The following CARD6 variants were observed in gnomAD, a reference collection of about 807,000 sequenced individuals.
The protein encoded by CARD6 is caspase recruitment domain family member 6.
A neutral mutation model predicts 23.6 loss-of-function variants in CARD6; 27 were observed. The ratio of observed to expected loss-of-function variants is 1.14; its 90% CI spans 0.84 to 1.58. The LOEUF (loss-of-function observed/expected upper bound fraction) is 1.58. CARD6 is among the 40% of genes most tolerant of loss of function. CARD6 has a pLI of 0.00. For synonymous variants in CARD6, 397 were observed against 431.8 expected (o/e 0.92, Z 1.00); for missense variants, 1,214 against 1,209.9 (o/e 1.00, Z -0.05).
rs1476780333 is a variant in CARD6, at chr5:40,850,157, G to A, written c.842-2017G>A. ...CGGCCAGGTGCGGTGGCTAACGCCT[G>A]TAATCCCAGGACTTTGGGAGGCCGA... On this transcript the variant is annotated intron_variant, in intron 2 of 2. Transcript: ENST00000254691. 2.0e-5 allele frequency among the ~76,000 whole-genome samples: 3 copies of A among 151,910 alleles called. No homozygotes were observed. In the East Asian group the frequency reaches 5.9e-4, roughly 30 times the overall value.
Position 40,854,021 on chromosome 5 carries a change from C to T in CARD6, c.2689C>T (p.Gln897Ter). ...ATCCCATATTGGAAAGCCTCACCCT[C>T]AGTCCTTTCAACCAGCAGCAGCCAC... ...RTSHIGKPHP[Q>*]SFQPAAATQK... The change falls in exon 3 of 3, where the codon CAG becomes TAG. Residue 897 changes from glutamine to a stop codon, truncating the protein, a stop_gained. Coordinates refer to ENST00000254691, the MANE Select transcript of CARD6 (RefSeq NM_032587.4). LOFTEE classifies it low-confidence loss of function (END_TRUNC). The T allele has an allele frequency of 6.2e-7, 1 of 1,614,226 alleles. No homozygotes were observed. Among genetic ancestry groups the T allele is most frequent in the African/African-American group, 1.3e-5 (1 of 75,042 alleles).
intron 2 of CARD6, among the ~76,000 whole-genome samples, chr5:40,850,384 A>G (rs1199723682): frequency 7.9e-6 from 1 of 125,790 alleles, no homozygotes; most frequent in African/African-American, 3.1e-5. Flanking sequence ...ACTGCACTCC[A>G]GCCTGGGTGA....
chr5:40,852,803 T>G lies in CARD6; in HGVS notation c.1471T>G (p.Leu491Val), dbSNP rs753393873. 2 of 1,614,204 alleles carry G rather than the reference T, an allele frequency of 1.2e-6. No homozygotes were observed. Residue 491 changes from leucine to valine, a missense_variant, in exon 3 of 3, where the codon TTG becomes GTG. Physicochemically the swap from Leu to Val is conservative, Grantham distance 32 (BLOSUM62 1). Coordinates refer to ENST00000254691, the MANE Select transcript of CARD6 (RefSeq NM_032587.4). Reference sequence around the variant, plus strand: ...ACACAAAATCTTTCTTCATCAAGATTTGCCTCTTTTGGTGCTTCCCCGGCA... The same window carrying G: ...ACACAAAATCTTTCTTCATCAAGATGTGCCTCTTTTGGTGCTTCCCCGGCA... ...KLHKIFLHQD[L>V]PLLVLPRQIS...
chr5:40,843,540 A>G lies in CARD6; in HGVS notation c.672A>G (p.Ala224=). 6.2e-7 allele frequency: 1 copy of G among 1,608,472 alleles called. No homozygotes were observed. The highest frequency in any genetic ancestry group is 1.7e-5 in the Admixed American group (1 of 58,446). Residue 224 remains alanine, a synonymous_variant, in exon 2 of 3, where the codon GCA becomes GCG. Transcript: ENST00000254691. Reference sequence around the variant, plus strand: ...GATCTGTTGACACCCCTGAAGATGCAGAAGCCACTGTGGAAGAGGAGGTTT... The same window carrying G: ...GATCTGTTGACACCCCTGAAGATGCGGAAGCCACTGTGGAAGAGGAGGTTT... ...YLGSVDTPED[A]EATVEEEVYD...
chr5:40,845,487 T>C (rs1370153171), intron 2 of CARD6, among the ~76,000 whole-genome samples: 1 of 152,170 alleles, frequency 6.6e-6, no homozygotes, highest in Non-Finnish European at 1.5e-5. Flanking sequence ...ATTCAACCCA[T>C]GCCTCTTGCC....
In CARD6 at chr5:40,843,256, A is replaced by T. The variant is rs369091393; in HGVS notation, c.388A>T (p.Ile130Phe). The T allele has an allele frequency of 2.5e-6, 4 of 1,614,006 alleles. No homozygotes were observed. Among genetic ancestry groups the T allele is most frequent in the Non-Finnish European group, 8.5e-7 (1 of 1,179,986 alleles). Residue 130 changes from isoleucine (I) to phenylalanine (F), a missense_variant, in exon 2 of 3, where the codon ATC (isoleucine) becomes TTC (phenylalanine). Physicochemically the swap from Ile to Phe is conservative, Grantham distance 21 (BLOSUM62 0). Coordinates refer to ENST00000254691, the MANE Select transcript of CARD6 (RefSeq NM_032587.4). ...AATAAAACAGCCTGAAGCCCCTGAG[A>T]TCACAGTGTTCTTCAGTGAGAAGGA... ...PGIKQPEAPE[I>F]TVFFSEKEHL...
At chr5:40,849,822 A>G (rs1296616906) in intron 2 of CARD6, among the ~76,000 whole-genome samples, 2 of 151,996 alleles carry the variant, frequency 1.3e-5, no homozygotes, top group African/African-American at 2.4e-5. Flanking sequence ...AAAATGAAGA[A>G]ATGAAAAGTT....
intron 1 of CARD6, 141 bp downstream of exon 1, chr5:40,841,806 G>A: frequency 1.0e-5 from 7 of 691,340 alleles, no homozygotes; most frequent in Admixed American, 3.5e-5. Context: ...TATGAAATAG[G>A]GAAAAACTGG....
rs768573383 is a variant in CARD6, at chr5:40,853,686, T to C, written c.2354T>C (p.Ile785Thr). The change falls in exon 3 of 3, where the codon ATT (isoleucine) becomes ACT (threonine). Residue 785 changes from isoleucine to threonine, a missense_variant. Ile to Thr is a moderately conservative substitution (Grantham distance 89). Coordinates refer to ENST00000254691, the MANE Select transcript of CARD6 (RefSeq NM_032587.4). ...GAQGRGKSFG[I>T]QSFHPQIFYS... is the part of the protein sequence containing the mutation. ...CAGGGCCGAGGTAAAAGTTTTGGTA[T>C]TCAATCCTTCCATCCCCAGATATTT... is the stretch of plus-strand genomic sequence containing the variant. 6.2e-7 allele frequency: 1 copy of C among 1,614,232 alleles called. No individual in the cohort carries two copies. The highest frequency in any genetic ancestry group is 1.1e-5 in the South Asian group (1 of 91,090).
rs767550176 is a variant in CARD6, at chr5:40,841,599, C to T, written c.217C>T (p.Gln73Ter). Residue 73 changes from glutamine (Q) to a stop codon, truncating the protein, a stop_gained, in exon 1 of 3, where the codon CAG becomes TAG. Transcript: ENST00000254691. LOFTEE classifies it high-confidence loss of function. ...LVQKKGEATC[Q>*]HFLKCLFSTF... is the part of the protein sequence containing the mutation. ...ACAGAAAAAGGGAGAGGCGACCTGT[C>T]AGCATTTTCTCAAGTGTTTATTTAG... The T allele has an allele frequency of 3.1e-5, 50 of 1,613,950 alleles. No homozygotes were observed. The highest frequency in any genetic ancestry group is 4.2e-5 in the Non-Finnish European group (50 of 1,180,006).
intron 1 of CARD6, among the ~76,000 whole-genome samples, chr5:40,842,721 G>A (rs568863646): frequency 2.0e-5 from 3 of 152,236 alleles, no homozygotes; most frequent in East Asian, 3.9e-4. Flanking sequence ...TATAGGAGGT[G>A]TTAGGTATTC....
rs771608460 is a variant in CARD6, at chr5:40,852,244, T to C, written c.912T>C (p.Asp304=). 3.7e-5 allele frequency: 59 copies of C among 1,614,196 alleles called. 2 individuals are homozygous for C. In the South Asian group the frequency reaches 6.1e-4, roughly 17 times the overall value. The change falls in exon 3 of 3, where the codon GAT becomes GAC. Residue 304 remains aspartate (D), a synonymous_variant. Coordinates refer to ENST00000254691, the MANE Select transcript of CARD6 (RefSeq NM_032587.4). ...NMDRSRKVLP[D]FVKQFSLDRG... is the part of the protein sequence containing the mutation. ...ATAGAAGCAGAAAGGTTCTGCCAGA[T>C]TTTGTTAAACAATTCTCCTTAGATC...
In CARD6 at chr5:40,852,348, C is replaced by T. The variant is rs566975527; in HGVS notation, c.1016C>T (p.Thr339Met). The stretch of plus-strand genomic sequence containing the variant: ...ATGAAAGTTCAAGCACGAGATGTGA[C>T]GGCTAGGGATTCAATCCTCAGTCAC... ...FLMKVQARDV[T>M]ARDSILSHKV... The change falls in exon 3 of 3, where the codon ACG (threonine) becomes ATG (methionine). Residue 339 changes from threonine (T) to methionine (M), a missense_variant. Physicochemically the swap from Thr to Met is moderately conservative, Grantham distance 81. Transcript: ENST00000254691. The T allele has an allele frequency of 1.4e-5, 23 of 1,613,974 alleles. No individual in the cohort carries two copies. In the African/African-American group the frequency reaches 1.5e-4, roughly 10 times the overall value.
chr5:40,842,764 G>A (rs908679682), intron 1 of CARD6, among the ~76,000 whole-genome samples: 4 of 152,132 alleles, frequency 2.6e-5, no homozygotes, highest in East Asian at 1.9e-4. Context: ...GTGGCTGGGC[G>A]CTGTGGCTCA....
At chr5:40,842,536 C>T (rs1745879141) in intron 1 of CARD6, among the ~76,000 whole-genome samples, 1 of 152,200 alleles carries the variant, frequency 6.6e-6, no homozygotes, top group South Asian at 2.1e-4. Flanking sequence ...TTGTGAGTCA[C>T]AGTAAGTCCA....
chr5:40,852,243 A>AT lies in CARD6; in HGVS notation c.915dup (p.Val306CysfsTer2). On this transcript the variant is annotated frameshift_variant, in exon 3 of 3. Transcript: ENST00000254691. LOFTEE classifies it low-confidence loss of function (END_TRUNC). Reference sequence around the variant, plus strand: ...GATAGAAGCAGAAAGGTTCTGCCAGATTTTGTTAAACAATTCTCCTTAGAT... The same window carrying AT: ...GATAGAAGCAGAAAGGTTCTGCCAGATTTTTGTTAAACAATTCTCCTTAGAT... The AT allele has an allele frequency of 6.2e-7, 1 of 1,614,190 alleles. No individual in the cohort carries two copies. Among genetic ancestry groups the AT allele is most frequent in the African/African-American group, 1.3e-5 (1 of 75,066 alleles).
At position 40,852,515 on chromosome 5, in the gene CARD6, A is replaced by G. The variant is rs766519414; in HGVS notation, c.1183A>G (p.Met395Val). 8 of 1,614,216 alleles carry G rather than the reference A, an allele frequency of 5.0e-6. No homozygotes were observed. In the South Asian group the frequency reaches 6.6e-5, roughly 13 times the overall value. The change falls in exon 3 of 3, where the codon ATG (methionine) becomes GTG (valine). Residue 395 changes from methionine (M) to valine (V), a missense_variant. Transcript: ENST00000254691. ...AGATAGCTCTTTGCAACGCCAAGTC[A>G]TGTCAAACATGTATCAGTGCCAGTT... ...CSDSSLQRQVMSNMYQCQFAL... is the reference protein window; with the variant it reads ...CSDSSLQRQVVSNMYQCQFAL...
intron 2 of CARD6, 135 bp downstream of exon 2, chr5:40,843,844 C>G: frequency 7.0e-6 from 4 of 570,730 alleles, no homozygotes; most frequent in East Asian, 3.1e-5. Context: ...TTCCTCGTGC[C>G]TCTCTGACCT....
chr5:40,846,845 G>A (rs1745975033), intron 2 of CARD6, among the ~76,000 whole-genome samples: 2 of 152,066 alleles, frequency 1.3e-5, no homozygotes, highest in African/African-American at 2.4e-5. Flanking sequence ...GCATTACTGG[G>A]GGACTTCATA....
Sources: gnomAD v4.1 joint callset for allele counts (sites outside exome capture counted in the v4.1 genomes callset) on GRCh38, gnomAD v4.1.1 for gene constraint, MANE v1.5 for transcripts, NCBI Gene and HGNC (gene_info 2026-07-23, HGNC 2026-07-21) for gene names.